Variants in L3MBTL4 observed in about 807,000 individuals in gnomAD.
The protein encoded by L3MBTL4 is lethal(3)malignant brain tumor-like protein 4.
L3MBTL4 carries 70 observed loss-of-function variants against 84.5 expected under a neutral mutation model. That is an observed-to-expected ratio of 0.83 (90% CI 0.68 to 1.01). L3MBTL4 has a LOEUF of 1.01. Among genes scored for constraint, L3MBTL4 ranks in the 50% least tolerant of loss-of-function variants. The pLI is 0.00. For synonymous variants in L3MBTL4, 274 were observed against 259.8 expected (o/e 1.05, Z -0.52); for missense variants, 715 against 754.8 (o/e 0.95, Z 0.62).
At chr18:6,293,913 A>G (rs986834530) in intron 4 of L3MBTL4, among the ~76,000 whole-genome samples, 2 of 152,210 alleles carry the variant, frequency 1.3e-5, no homozygotes, top group African/African-American at 4.8e-5. Flanking sequence ...GGGACGGGAG[A>G]TACACAACAA....
At chr18:6,051,991 T>C (rs577940461) in intron 16 of L3MBTL4, among the ~76,000 whole-genome samples, 3 of 152,310 alleles carry the variant, frequency 2.0e-5, no homozygotes, top group South Asian at 2.1e-4. Context: ...TCATTCAACA[T>C]TGATGGTGCG....
At chr18:6,289,912 T>A (rs2049773757) in intron 4 of L3MBTL4, among the ~76,000 whole-genome samples, 1 of 152,196 alleles carries the variant, frequency 6.6e-6, no homozygotes. Context: ...GTTATCTTTT[T>A]GTTTCTTTGT....
chr18:6,246,313 A>G (rs941834599), intron 5 of L3MBTL4, among the ~76,000 whole-genome samples: 1 of 152,158 alleles, frequency 6.6e-6, no homozygotes, highest in Admixed American at 6.6e-5. Flanking sequence ...ATACTTTGCT[A>G]TATTTATTTC....
intron 3 of L3MBTL4, among the ~76,000 whole-genome samples, chr18:6,302,646 GT>G (rs1170787386): frequency 1.4e-4 from 22 of 152,182 alleles, no homozygotes; most frequent in African/African-American, 4.8e-4. Context: ...CCAGATATGT[GT>G]CTTCTTTATG....
intron 15 of L3MBTL4, 172 bp from the exon 16 acceptor site, chr18:6,081,123 C>T (rs775296868): frequency 8.3e-6 from 4 of 480,214 alleles, no homozygotes; most frequent in Non-Finnish European, 1.4e-5. Flanking sequence ...TAAAAACACA[C>T]TTCTGTTCAG....
intron 1 of L3MBTL4, among the ~76,000 whole-genome samples, chr18:6,312,991 C>T (rs957883466): frequency 1.3e-5 from 2 of 152,190 alleles, no homozygotes; most frequent in Non-Finnish European, 2.9e-5. Context: ...TCTGACCCCA[C>T]TAAAAGAGAC....
At chr18:6,187,843 A>C (rs1261344686) in intron 12 of L3MBTL4, among the ~76,000 whole-genome samples, 1 of 145,862 alleles carries the variant, frequency 6.9e-6, no homozygotes, top group Non-Finnish European at 1.5e-5. Flanking sequence ...AATTATACTT[A>C]TTGTCCACAA....
chr18:6,358,808 C>T (rs573860593), intron 1 of L3MBTL4, among the ~76,000 whole-genome samples: 3 of 152,304 alleles, frequency 2.0e-5, no homozygotes, highest in South Asian at 4.1e-4. Flanking sequence ...AGCAAGGTAA[C>T]CAATGGCAAG....
chr18:6,031,148 T>C, intron 16 of L3MBTL4: 1 of 985,456 alleles, frequency 1.0e-6, no homozygotes, highest in Non-Finnish European at 1.2e-6. Context: ...AACCCAGCTC[T>C]TGTCCTGATT....
intron 16 of L3MBTL4, among the ~76,000 whole-genome samples, chr18:6,052,152 A>T (rs2056864668): frequency 6.6e-6 from 1 of 152,230 alleles, no homozygotes; most frequent in Non-Finnish European, 1.5e-5. Context: ...AATATTTAGT[A>T]ATGACTAAAA....
intron 1 of L3MBTL4, among the ~76,000 whole-genome samples, chr18:6,353,569 TAGAA>T (rs2053300709): frequency 1.3e-5 from 2 of 152,144 alleles, no homozygotes; most frequent in African/African-American, 4.8e-5. Flanking sequence ...AAAAATCTAT[TAGAA>T]ATGATAAATT....
intron 1 of L3MBTL4, among the ~76,000 whole-genome samples, chr18:6,355,735 A>G (rs2053413319): frequency 6.6e-6 from 1 of 152,188 alleles, no homozygotes; most frequent in South Asian, 2.1e-4. Flanking sequence ...GCAATATTAA[A>G]AACCCATTAA....
intron 17 of L3MBTL4, among the ~76,000 whole-genome samples, chr18:5,963,646 A>G (rs1480461061): frequency 6.6e-6 from 1 of 152,254 alleles, no homozygotes; most frequent in Non-Finnish European, 1.5e-5. Context: ...TTCTCTGGCC[A>G]AGAATTTTAA....
intron 3 of L3MBTL4, among the ~76,000 whole-genome samples, chr18:6,302,399 G>T (rs1331431323): frequency 6.6e-6 from 1 of 152,132 alleles, no homozygotes; most frequent in Non-Finnish European, 1.5e-5. Context: ...TAACCAAACT[G>T]ACCTTCATAG....
intron 1 of L3MBTL4, among the ~76,000 whole-genome samples, chr18:6,400,621 A>C (rs2055472018): frequency 6.6e-6 from 1 of 152,150 alleles, no homozygotes; most frequent in Non-Finnish European, 1.5e-5. Context: ...CATATTTCCC[A>C]GGCTGGTCTC....
chr18:6,206,793 C>T (rs1029352961), intron 12 of L3MBTL4, among the ~76,000 whole-genome samples: 14 of 151,980 alleles, frequency 9.2e-5, no homozygotes, highest in African/African-American at 3.4e-4. Context: ...ACATGGTAGC[C>T]CGCATTTCTT....
intron 14 of L3MBTL4, among the ~76,000 whole-genome samples, chr18:6,103,128 T>G (rs995926476): frequency 6.6e-6 from 1 of 152,212 alleles, no homozygotes; most frequent in African/African-American, 2.4e-5. Flanking sequence ...AATTTATGCA[T>G]GGAGAAGATC....
Position 6,414,134 on chromosome 18 carries a change from G to C in L3MBTL4, c.-91+667C>G, listed in dbSNP as rs1002988806. On this transcript the variant is annotated intron_variant, in intron 1 of 18. Coordinates refer to ENST00000317931, the MANE Select transcript of L3MBTL4 (RefSeq NM_001330559.2). The surrounding 1 kb of genome is among the most constrained non-coding windows in gnomAD (Gnocchi z 5.4). Reference sequence around the variant, plus strand: ...GCGCCCCCCGCAGTTCCAGGCGGTGGCAGGAGCCTGAGAGCCGCCGTCCCA... The same window carrying C: ...GCGCCCCCCGCAGTTCCAGGCGGTGCCAGGAGCCTGAGAGCCGCCGTCCCA... 2.0e-5 allele frequency: 3 copies of C among 152,290 alleles called. No homozygotes were observed. The highest frequency in any genetic ancestry group is 7.2e-5 in the African/African-American group (3 of 41,476). 9.4% of individuals were successfully genotyped at this position (152,290 alleles called of 1,614,324 possible). A position where few individuals can be genotyped will look rare whatever the true frequency, so the allele number is the denominator to read the frequency against.
At position 5,955,969 on chromosome 18, in the gene L3MBTL4, G is replaced by A. The variant is rs2095224473; in HGVS notation, c.*251C>T. The A allele has an allele frequency of 2.5e-6, 1 of 398,556 alleles. No individual in the cohort carries two copies. The allele number at this position is 398,556 out of a possible 1,614,324, so 24.7% of individuals were successfully genotyped here. A position where few individuals can be genotyped will look rare whatever the true frequency, so the allele number is the denominator to read the frequency against. On this transcript the variant is annotated 3_prime_UTR_variant, in exon 19 of 19. Coordinates refer to ENST00000317931, the MANE Select transcript of L3MBTL4 (RefSeq NM_001330559.2). ...TTTGGTCTGTCTTGCAAACAAATCA[G>A]AGCTGAGCGGATCCCACCAAAGATA...
Sources: gnomAD v4.1 joint callset for allele counts (sites outside exome capture counted in the v4.1 genomes callset) on GRCh38, gnomAD v4.1.1 for gene constraint, Gnocchi (gnomAD v3.1) non-coding constraint, MANE v1.5 for transcripts, NCBI Gene and HGNC (gene_info 2026-07-23, HGNC 2026-07-21) for gene names.